FAM193A: variants seen among roughly 807,000 people sequenced by gnomAD.
FAM193A encodes family with sequence similarity 193 member A, also known as protein FAM193A.
In FAM193A, 22 loss-of-function variants were observed where a neutral mutation model predicts 126.5. That is an observed-to-expected ratio of 0.17 (90% CI 0.12 to 0.25). FAM193A has a LOEUF of 0.25. Ranked by LOEUF, FAM193A falls within the 10% of genes least tolerant of loss-of-function variation. FAM193A has a pLI of 1.00. For synonymous variants in FAM193A, 761 were observed against 646.8 expected, an observed-to-expected ratio of 1.18 and a Z score of -2.68; for missense variants, 1,675 against 1,672.8, an observed-to-expected ratio of 1.00 and a Z score of -0.02.
In FAM193A at chr4:2,662,996, G is replaced by A; in HGVS notation, c.1899+5G>A. ...AACATGGCCCTGAAGGATGAGGTAT[G>A]GACATGGCTTCTTCGTAGCAACAAT... On this transcript the variant is annotated splice_donor_5th_base_variant and intron_variant, in intron 11 of 20. Transcript: ENST00000637812. The A allele has an allele frequency of 3.7e-6, 6 of 1,605,172 alleles. No homozygotes were observed. The highest frequency in any genetic ancestry group is 5.1e-6 in the Non-Finnish European group (6 of 1,172,556).
chr4:2,720,749 T>G (rs1197073674), intron 20 of FAM193A, among the ~76,000 whole-genome samples: 2 of 152,084 alleles, frequency 1.3e-5, no homozygotes, highest in South Asian at 4.1e-4. Flanking sequence ...AATCTCTCAC[T>G]ATCCACAGAT....
chr4:2,648,948 C>T (rs572074676), intron 7 of FAM193A, among the ~76,000 whole-genome samples: 81 of 152,352 alleles, frequency 5.3e-4, no homozygotes, highest in African/African-American at 1.9e-3. Context: ...CGGCAGTCAA[C>T]ACCAGAATGT....
intron 20 of FAM193A, among the ~76,000 whole-genome samples, chr4:2,731,196 C>CAA (rs546217602): frequency 0.012 from 1,000 of 86,700 alleles, 54 homozygotes; most frequent in African/African-American, 0.014. Flanking sequence ...AACTCCTTCT[C>CAA]AAAAAAAAAA....
intron 20 of FAM193A, among the ~76,000 whole-genome samples, chr4:2,722,831 ATAAG>A (rs757923241): frequency 2.0e-3 from 310 of 152,298 alleles, no homozygotes; most frequent in Admixed American, 4.1e-3. Flanking sequence ...TTAGAGACAA[ATAAG>A]TAAGTAAGTA....
chr4:2,662,595 T>C (rs1366650161), intron 10 of FAM193A, among the ~76,000 whole-genome samples: 1 of 152,232 alleles, frequency 6.6e-6, no homozygotes, highest in Non-Finnish European at 1.5e-5. Context: ...ATTTCTACTT[T>C]TGGAGGTTTT....
intron 1 of FAM193A, among the ~76,000 whole-genome samples, chr4:2,564,417 A>G (rs1738808435): frequency 6.6e-6 from 1 of 152,036 alleles, no homozygotes; most frequent in Non-Finnish European, 1.5e-5. Flanking sequence ...TCTAGTGGAA[A>G]AGGCTCTTGT....
At chr4:2,603,030 G>A (rs1343121756) in intron 2 of FAM193A, among the ~76,000 whole-genome samples, 1 of 122,208 alleles carries the variant, frequency 8.2e-6, no homozygotes, top group Non-Finnish European at 1.6e-5. Flanking sequence ...GTGCAGTGGC[G>A]CCATCTCAGC....
At chr4:2,596,475 G>A (rs147899575) in intron 2 of FAM193A, 146 bp downstream of exon 2, 9 of 606,720 alleles carry the variant, frequency 1.5e-5, no homozygotes, top group African/African-American at 3.7e-5. Context: ...CTCCTGGTAC[G>A]TTCCTCCTGG....
intron 20 of FAM193A, among the ~76,000 whole-genome samples, chr4:2,718,171 A>C (rs968570644): frequency 1.3e-5 from 2 of 152,116 alleles, no homozygotes; most frequent in African/African-American, 4.8e-5. Context: ...TATATAAAGA[A>C]GGAGATAAGA....
chr4:2,552,762 C>G (rs902218467), intron 1 of FAM193A, among the ~76,000 whole-genome samples: 3 of 151,326 alleles, frequency 2.0e-5, no homozygotes, highest in East Asian at 2.0e-4. Context: ...TGGTCTTGAT[C>G]TCATGACCTC....
intron 5 of FAM193A, among the ~76,000 whole-genome samples, chr4:2,636,768 G>A (rs1054097828): frequency 6.6e-6 from 1 of 152,162 alleles, no homozygotes; most frequent in African/African-American, 2.4e-5. Context: ...TAGATTTTAT[G>A]ATTAGCCACA....
Position 2,700,147 on chromosome 4 carries a change from C to A in FAM193A, c.3975C>A (p.Phe1325Leu). 6.2e-7 allele frequency: 1 copy of A among 1,613,438 alleles called. No homozygotes were observed. Among genetic ancestry groups the A allele is most frequent in the Non-Finnish European group, 8.5e-7 (1 of 1,179,918 alleles). The change falls in exon 19 of 21, where the codon TTC (phenylalanine) becomes TTA (leucine). Residue 1325 changes from phenylalanine (F) to leucine (L), a missense_variant. Coordinates refer to ENST00000637812, the MANE Select transcript of FAM193A (RefSeq NM_001366318.2). ...GKQHEPLSFF[F>L]DIMQHHKEGN... The stretch of plus-strand genomic sequence containing the variant: ...AGCATGAGCCACTCTCTTTTTTCTT[C>A]GACATCATGCAGCACCATAAAGAAG...
intron 1 of FAM193A, among the ~76,000 whole-genome samples, chr4:2,569,497 T>G (rs1219705072): frequency 6.6e-6 from 1 of 152,192 alleles, no homozygotes; most frequent in African/African-American, 2.4e-5. Context: ...ATTTTTATTA[T>G]TATTAAAACA....
Position 2,689,615 on chromosome 4 carries a change from A to C in FAM193A, c.2441A>C (p.Asn814Thr). ...TGTTTTGGGAATACTCCAGAGTGGA[A>C]TAGTTCTAAATTTATAAGTCTTTGG... ...PSCFGNTPEW[N>T]SSKFISLWGS... The change falls in exon 14 of 21, where the codon AAT (asparagine) becomes ACT (threonine). Residue 814 changes from asparagine to threonine, a missense_variant. By Grantham distance (65) the Asn-to-Thr change is moderately conservative. This residue lies in a region of FAM193A where 1,186 missense variants were observed against 1,109.2 expected (regional missense o/e 1.07). Coordinates refer to ENST00000637812, the MANE Select transcript of FAM193A (RefSeq NM_001366318.2). The C allele has an allele frequency of 1.3e-6, 2 of 1,570,788 alleles. No individual in the cohort carries two copies. Among genetic ancestry groups the C allele is most frequent in the Non-Finnish European group, 8.6e-7 (1 of 1,164,380 alleles).
intron 19 of FAM193A, among the ~76,000 whole-genome samples, chr4:2,706,291 C>CTTTTTTTTT (rs59143784): frequency 2.8e-4 from 30 of 108,606 alleles, no homozygotes; most frequent in Admixed American, 6.0e-4. Context: ...TTCTTTCTTT[C>CTTTTTTTTT]TTTTTTTTTT....
chr4:2,729,856 C>T (rs551846132), intron 20 of FAM193A, among the ~76,000 whole-genome samples: 53 of 152,292 alleles, frequency 3.5e-4, no homozygotes, highest in Admixed American at 1.1e-3. Context: ...AAGTGATCCA[C>T]GCACCTCAGC....
At chr4:2,617,958 G>A (rs1742308873) in intron 2 of FAM193A, among the ~76,000 whole-genome samples, 1 of 152,080 alleles carries the variant, frequency 6.6e-6, no homozygotes, top group Non-Finnish European at 1.5e-5. Context: ...CTCAAGAACT[G>A]CCTTTAACAT....
At chr4:2,708,752 C>T (rs1022071035) in intron 19 of FAM193A, among the ~76,000 whole-genome samples, 2 of 152,142 alleles carry the variant, frequency 1.3e-5, no homozygotes, top group Admixed American at 6.5e-5. Context: ...GTGTGAGCCC[C>T]CTCGCCCTGC....
intron 1 of FAM193A, among the ~76,000 whole-genome samples, chr4:2,589,492 A>G (rs1740404398): frequency 6.6e-6 from 1 of 152,244 alleles, no homozygotes; most frequent in African/African-American, 2.4e-5. Context: ...ATAATGTAGA[A>G]TCAGTCACTG....
Sources: gnomAD v4.1 joint callset for allele counts (sites outside exome capture counted in the v4.1 genomes callset) on GRCh38, gnomAD v4.1.1 for gene constraint, gnomAD v4.1.1 regional missense constraint, MANE v1.5 for transcripts, NCBI Gene and HGNC (gene_info 2026-07-23, HGNC 2026-07-21) for gene names.